The following MYO16 variants were observed in gnomAD, a reference collection of about 807,000 sequenced individuals.
The protein encoded by MYO16 is myosin XVI, also known as unconventional myosin-XVI.
Under a neutral mutation model 205.3 loss-of-function variants are expected in MYO16, and 94 were observed. The ratio of observed to expected loss-of-function variants is 0.46; its 90% CI spans 0.39 to 0.54. The LOEUF is 0.54. Among genes scored for constraint, MYO16 ranks in the 20% least tolerant of loss-of-function variants. The probability of loss-of-function intolerance (pLI) is 0.00; values close to 1 mark genes in which losing one functional copy is unlikely to be tolerated. For synonymous variants in MYO16, 988 were observed against 954.0 expected (o/e 1.04, Z -0.66); for missense variants, 2,315 against 2,387.5 (o/e 0.97, Z 0.63).
chr13:109,091,107 T>C (rs1440879296), intron 27 of MYO16, among the ~76,000 whole-genome samples: 1 of 152,154 alleles, frequency 6.6e-6, no homozygotes, highest in Non-Finnish European at 1.5e-5. Flanking sequence ...GGAATATGAA[T>C]ATAAGTTCAT....
Position 109,029,114 on chromosome 13 carries a change from T to TTC in MYO16, c.2796+9204_2796+9205insCT, listed in dbSNP as rs1566471311. 1.2e-4 allele frequency among the ~76,000 whole-genome samples: 11 copies of TTC among 91,348 alleles called. No homozygotes were observed. The South Asian group carries it at 2.3e-3, about 19-fold the overall frequency. 59.9% of individuals were successfully genotyped at this position (91,348 alleles called of 152,430 possible). Reference sequence around the variant, plus strand: ...TGCCTTTAAACATTTTTTCTTTTCTTTTTTTTTTTTTTTTTTTGAGATGGA... The same window carrying TTC: ...TGCCTTTAAACATTTTTTCTTTTCTTTCTTTTTTTTTTTTTTTTTGAGATGGA... On this transcript the variant is annotated intron_variant, in intron 23 of 34. Transcript: ENST00000457511.
At chr13:108,731,293 A>C (rs10492417) in intron 4 of MYO16, among the ~76,000 whole-genome samples, 20,840 of 152,218 alleles carry the variant, frequency 0.14, 1,552 homozygotes, top group Non-Finnish European at 0.16. Context: ...CTCTCAAGCT[A>C]CATATATGAA....
chr13:108,577,986 G>A, the MYO16 span, among the ~76,000 whole-genome samples: 3 of 151,990 alleles, frequency 2.0e-5, no homozygotes, highest in South Asian at 2.1e-4. Context: ...CCTTTACTAC[G>A]CAAGTATATA....
intron 4 of MYO16, among the ~76,000 whole-genome samples, chr13:108,782,543 G>A (rs766064647): frequency 6.6e-6 from 1 of 152,212 alleles, no homozygotes; most frequent in Non-Finnish European, 1.5e-5. Context: ...GCTGGCTGCA[G>A]AAATTTGCAT....
chr13:109,088,621 A>G (rs1278849218), intron 27 of MYO16, among the ~76,000 whole-genome samples: 1 of 152,182 alleles, frequency 6.6e-6, no homozygotes, highest in African/African-American at 2.4e-5. Context: ...CATAAAGTAC[A>G]TGAATGAATC....
intron 9 of MYO16, among the ~76,000 whole-genome samples, chr13:108,840,291 G>A (rs1044532819): frequency 6.6e-5 from 10 of 152,048 alleles, no homozygotes; most frequent in African/African-American, 2.4e-4. Context: ...TAATATTCCC[G>A]ACTTTCCATC....
intron 9 of MYO16, among the ~76,000 whole-genome samples, chr13:108,833,255 T>TAA (rs5806759): frequency 1.6e-3 from 228 of 145,648 alleles, no homozygotes; most frequent in East Asian, 2.5e-3. Flanking sequence ...CTTTAAATTG[T>TAA]AAAAAAAAAA....
At chr13:108,941,943 T>A (rs1289282010) in intron 16 of MYO16, among the ~76,000 whole-genome samples, 1 of 152,240 alleles carries the variant, frequency 6.6e-6, no homozygotes, top group East Asian at 1.9e-4. Context: ...AAGCAAATTT[T>A]GTTTTGTTTA....
At chr13:108,591,224 T>G (rs1878390710), upstream of MYO16, among the ~76,000 whole-genome samples, 1 of 152,200 alleles carries the variant, frequency 6.6e-6, no homozygotes, top group African/African-American at 2.4e-5. Flanking sequence ...TGAGAAGCCC[T>G]GTCTCTGGGG....
intron 4 of MYO16, among the ~76,000 whole-genome samples, chr13:108,763,362 G>T (rs1330025122): frequency 6.6e-6 from 1 of 152,150 alleles, no homozygotes; most frequent in Non-Finnish European, 1.5e-5. Flanking sequence ...AACTCACATG[G>T]GGGATGCCCC....
At chr13:109,028,675 T>C (rs199825024) in intron 23 of MYO16, among the ~76,000 whole-genome samples, 1 of 150,762 alleles carries the variant, frequency 6.6e-6, no homozygotes, top group East Asian at 1.9e-4. Context: ...TGCTTGCAAA[T>C]ACATCTTTCT....
At chr13:108,954,521 G>T (rs921487833) in intron 16 of MYO16, among the ~76,000 whole-genome samples, 1 of 152,132 alleles carries the variant, frequency 6.6e-6, no homozygotes, top group Non-Finnish European at 1.5e-5. Flanking sequence ...CATGCAGACT[G>T]CTTGGGATCA....
Position 108,946,072 on chromosome 13 carries a change from G to A in MYO16, c.1926-11616G>A, listed in dbSNP as rs116076840. 5.6e-3 allele frequency among the ~76,000 whole-genome samples: 845 copies of A among 152,184 alleles called. 11 individuals are homozygous for A. Among genetic ancestry groups the A allele is most frequent in the African/African-American group, 0.02 (813 of 41,502 alleles). ...CTGTTTGTCTAATTATCTTATCAGT[G>A]AAGGCAATCAGACTAAGTAAGTGGA... On this transcript the variant is annotated intron_variant, in intron 16 of 34. Coordinates refer to ENST00000457511, the MANE Select transcript of MYO16 (RefSeq NM_001198950.3).
At chr13:108,601,056 G>A (rs1053729816) in intron 1 of MYO16, among the ~76,000 whole-genome samples, 4 of 151,934 alleles carry the variant, frequency 2.6e-5, no homozygotes, top group African/African-American at 4.8e-5. Flanking sequence ...CAGCAGGTAG[G>A]GTGTTTTGAC....
At position 109,206,775 on chromosome 13, in the gene MYO16, A is replaced by G. The variant is rs776872989; in HGVS notation, c.5582A>G (p.Lys1861Arg). The G allele has an allele frequency of 2.5e-6, 4 of 1,614,068 alleles. No individual in the cohort carries two copies. In the Admixed American group the frequency reaches 6.7e-5, roughly 27 times the overall value. Reference sequence around the variant, plus strand: ...CCTTGCAAGAAGCCCAGCCTTCTGAAGAAGCCGGAAGGGGCCTCCTGCAAC... The same window carrying G: ...CCTTGCAAGAAGCCCAGCCTTCTGAGGAAGCCGGAAGGGGCCTCCTGCAAC... ...PPPCKKPSLL[K>R]KPEGASCNRL... The change falls in exon 35 of 35, where the codon AAG (lysine) becomes AGG (arginine). Residue 1861 changes from lysine to arginine, a missense_variant. Physicochemically the swap from Lys to Arg is conservative, Grantham distance 26 (BLOSUM62 2). Transcript: ENST00000457511.
At chr13:108,593,807 C>G (rs554292442), upstream of MYO16, among the ~76,000 whole-genome samples, 1 of 152,246 alleles carries the variant, frequency 6.6e-6, no homozygotes, top group South Asian at 2.1e-4. Flanking sequence ...GCTCCTATGT[C>G]GCTCCCAAGC....
At chr13:108,587,694 A>G in the MYO16 span, among the ~76,000 whole-genome samples, 1 of 152,188 alleles carries the variant, frequency 6.6e-6, no homozygotes, top group East Asian at 1.9e-4. Flanking sequence ...CCACCACACA[A>G]CATTATACAT....
chr13:109,001,502 C>T (rs1026627992), intron 21 of MYO16, among the ~76,000 whole-genome samples: 11 of 151,984 alleles, frequency 7.2e-5, no homozygotes, highest in African/African-American at 2.7e-4. Context: ...ATGACCTTTC[C>T]CAAACAAGAA....
intron 4 of MYO16, among the ~76,000 whole-genome samples, chr13:108,765,295 A>G (rs1885742178): frequency 6.6e-6 from 1 of 152,218 alleles, no homozygotes; most frequent in South Asian, 2.1e-4. Context: ...CTACTTTTAT[A>G]TACATTTTTA....
Sources: allele counts gnomAD v4.1 joint callset (sites outside exome capture counted in the v4.1 genomes callset), GRCh38; gene constraint gnomAD v4.1.1; transcripts MANE v1.5; gene names NCBI Gene and HGNC (gene_info 2026-07-23, HGNC 2026-07-21).